The following FAM50A variants were observed in gnomAD, a reference collection of about 807,000 sequenced individuals.
FAM50A encodes the protein protein FAM50A.
In FAM50A, 6 loss-of-function variants were observed where a neutral mutation model predicts 35.5. That is an observed-to-expected ratio of 0.17 (90% CI 0.09 to 0.33). The LOEUF is 0.33. FAM50A is among the 10% of genes least tolerant of loss of function. FAM50A has a pLI of 1.00. For synonymous variants in FAM50A, 120 were observed against 110.9 expected (o/e 1.08, Z -0.52); for missense variants, 145 against 295.5 (o/e 0.49, Z 3.73).
At chrX:154,449,481 C>T (rs782366698) in intron 8 of FAM50A, among the ~76,000 whole-genome samples, 184 bp downstream of exon 8, 8 of 112,468 alleles carry the variant, frequency 7.1e-5, no homozygotes, top group East Asian at 2.8e-4. Flanking sequence ...TTGCTGAGAG[C>T]GGCCTGCCTT....
chrX:154,449,360 A>T, intron 8 of FAM50A, 63 bp downstream of exon 8: 1 of 959,793 alleles, frequency 1.0e-6, no homozygotes, highest in Non-Finnish European at 1.5e-6. Flanking sequence ...CCTGGGTGCC[A>T]GACACCCAGT....
rs200229295 is a variant in FAM50A, at chrX:154,449,906, C to T, written c.804C>T (p.Ile268=). The T allele has an allele frequency of 2.0e-4, 246 of 1,209,614 alleles. No homozygotes were observed. The highest frequency in any genetic ancestry group is 2.4e-4 in the Non-Finnish European group (219 of 894,933). The change falls in exon 10 of 13, where the codon ATC becomes ATT. Residue 268 remains isoleucine (I), a synonymous_variant. Coordinates refer to ENST00000393600, the MANE Select transcript of FAM50A (RefSeq NM_004699.4). ...IPHHHSFYDF[I]VTKARGKSGP... is the part of the protein sequence containing the mutation. ...AGCATCACAGCTTCTACGACTTCAT[C>T]GTCACCAAGGCACGGGGGAAGAGTG... is the stretch of plus-strand genomic sequence containing the variant.
rs1333893119 is a variant in FAM50A, at chrX:154,444,207, C to T, written c.-29C>T. On this transcript the variant is annotated 5_prime_UTR_variant, in exon 1 of 13. Coordinates refer to ENST00000393600, the MANE Select transcript of FAM50A (RefSeq NM_004699.4). Reference sequence around the variant, plus strand: ...TCGCTGTCGCCGCCGCCGCCGCCCGCCGCCGCCGCCGCCGCCGCCGCCGCT... The same window carrying T: ...TCGCTGTCGCCGCCGCCGCCGCCCGTCGCCGCCGCCGCCGCCGCCGCCGCT... The T allele has an allele frequency of 2.8e-5, 19 of 681,503 alleles. No individual in the cohort carries two copies. The South Asian group carries it at 4.1e-4, about 15-fold the overall frequency. 56.2% of individuals were successfully genotyped at this position (681,503 alleles called of 1,213,427 possible).
Position 154,450,262 on chromosome X carries a change from C to T in FAM50A, c.954C>T (p.Ile318=). 1 of 1,211,397 alleles carries T rather than the reference C, an allele frequency of 8.3e-7. No individual in the cohort carries two copies. The highest frequency in any genetic ancestry group is 1.1e-6 in the Non-Finnish European group (1 of 895,224). The change falls in exon 12 of 13, where the codon ATC becomes ATT. Residue 318 remains isoleucine, a synonymous_variant. Coordinates refer to ENST00000393600, the MANE Select transcript of FAM50A (RefSeq NM_004699.4). ...GCTGGTACGAGAAGAACAAGCACAT[C>T]TTTCCCGCCAGCCGCTGGGAACCCT... ...LRSWYEKNKH[I]FPASRWEPYD...
chrX:154,450,336 A>G lies in FAM50A; in HGVS notation c.1011+17A>G. The G allele has an allele frequency of 2.5e-6, 3 of 1,201,214 alleles. No individual in the cohort carries two copies. Among genetic ancestry groups the G allele is most frequent in the Non-Finnish European group, 3.4e-6 (3 of 885,674 alleles). On this transcript the variant is annotated intron_variant, in intron 12 of 12. Coordinates refer to ENST00000393600, the MANE Select transcript of FAM50A (RefSeq NM_004699.4). ...AAGTACACGGTGAGGAGGGGCTGGC[A>G]GGGACCCCTCCAAGTTGGGGACGGC...
At position 154,450,106 on chromosome X, in the gene FAM50A, C is replaced by T. The variant is rs782189294; in HGVS notation, c.900+7C>T. 8.1e-5 allele frequency: 97 copies of T among 1,204,547 alleles called. No individual in the cohort carries two copies. Among genetic ancestry groups the T allele is most frequent in the Middle Eastern group, 4.6e-4 (2 of 4,360 alleles). On this transcript the variant is annotated splice_region_variant and intron_variant, in intron 11 of 12. Transcript: ENST00000393600. ...CACTGTGGAGAAGGATGAGGTACAG[C>T]GTAGGGGGCCGTGTGAGGGGGAACG...
At position 154,445,642 on chromosome X, in the gene FAM50A, A is replaced by G; in HGVS notation, c.121A>G (p.Met41Val). ...CTGTCACTCCCCGCAGGAGAACATCATGAAATCCAACATTGACAAGAAGTT... is the reference window on the plus strand; with the variant it reads ...CTGTCACTCCCCGCAGGAGAACATCGTGAAATCCAACATTGACAAGAAGTT... ...MKQRIAEENI[M>V]KSNIDKKFSA... The change falls in exon 2 of 13, where the codon ATG becomes GTG. Residue 41 changes from methionine to valine, a missense_variant. Around this residue, in one of 5 missense-constraint regions of FAM50A, gnomAD observed 31 missense variants for 75.2 expected, o/e 0.41. Transcript: ENST00000393600. The G allele has an allele frequency of 8.3e-7, 1 of 1,207,049 alleles. No homozygotes were observed.
rs1199699790 is a variant in FAM50A at position 154,444,400 on chromosome X, C to A, written c.111+54C>A. ...GCGCTGCCCAGGTCCCCGGCGGCCC[C>A]GCGCCACGCTCCGGCCCTGGAAGCC... On this transcript the variant is annotated intron_variant, in intron 1 of 12. Transcript: ENST00000393600. 3.8e-6 allele frequency: 3 copies of A among 795,422 alleles called. No individual in the cohort carries two copies. The East Asian group carries it at 1.6e-4, about 41-fold the overall frequency. The allele number at this position is 795,422 out of a possible 1,213,427, so 65.6% of individuals were successfully genotyped here.
At chrX:154,444,432 C>T (rs1339277626) in intron 1 of FAM50A, 86 bp downstream of exon 1, 21 of 475,435 alleles carry the variant, frequency 4.4e-5, no homozygotes, top group Non-Finnish European at 6.0e-5. Flanking sequence ...AGCCCTGGGG[C>T]GGTGGCCACG....
At position 154,445,885 on chromosome X, in the gene FAM50A, G is replaced by A. The variant is rs1557199749; in HGVS notation, c.270G>A (p.Lys90=). 2.5e-6 allele frequency: 3 copies of A among 1,209,443 alleles called. No individual in the cohort carries two copies. In the Admixed American group the frequency reaches 6.5e-5, roughly 26 times the overall value. ...AGGAGCGGGAGAAGCAGCTGGCCAA[G>A]AAGGAGCAGTCCAAGGAGCTGCAGA... is the stretch of plus-strand genomic sequence containing the variant. ...LVKEREKQLA[K]KEQSKELQMK... The change falls in exon 3 of 13, where the codon AAG becomes AAA. Residue 90 remains lysine, a synonymous_variant. Transcript: ENST00000393600.
Position 154,444,190 on chromosome X carries a change from G to GCCGCCGCCGC in FAM50A, c.-44_-35dup. 2.0e-6 allele frequency: 1 copy of GCCGCCGCCGC among 498,409 alleles called. No individual in the cohort carries two copies. Among genetic ancestry groups the GCCGCCGCCGC allele is most frequent in the African/African-American group, 2.8e-5 (1 of 36,352 alleles). 41.1% of individuals were successfully genotyped at this position (498,409 alleles called of 1,213,427 possible). A position where few individuals can be genotyped will look rare whatever the true frequency, so the allele number is the denominator to read the frequency against. On this transcript the variant is annotated 5_prime_UTR_variant, in exon 1 of 13. Coordinates refer to ENST00000393600, the MANE Select transcript of FAM50A (RefSeq NM_004699.4). ...CGCTGCCGCTGCCGCTGTCGCTGTCGCCGCCGCCGCCGCCCGCCGCCGCCG... is the reference window on the plus strand; with the variant it reads ...CGCTGCCGCTGCCGCTGTCGCTGTCGCCGCCGCCGCCCGCCGCCGCCGCCCGCCGCCGCCG...
intron 10 of FAM50A, 34 bp downstream of exon 10, chrX:154,449,965 C>T (rs1557200351): frequency 8.3e-7 from 1 of 1,209,544 alleles, no homozygotes; most frequent in Admixed American, 2.2e-5. Flanking sequence ...CCCCATAGCA[C>T]CTTGCCGCCG....
chrX:154,450,585 G>A lies in FAM50A; in HGVS notation c.*153G>A. The A allele has an allele frequency of 3.9e-6, 2 of 509,259 alleles. No individual in the cohort carries two copies. Among genetic ancestry groups the A allele is most frequent in the African/African-American group, 2.4e-5 (1 of 42,549 alleles). The allele number at this position is 509,259 out of a possible 1,213,427, so 42.0% of individuals were successfully genotyped here. ...CGTGTCCTGCCCCTGCCACATCAGT[G>A]ACTGCTTTATTCTTTTCCAATAAAG... On this transcript the variant is annotated 3_prime_UTR_variant, in exon 13 of 13. Transcript: ENST00000393600.
At chrX:154,449,083 C>T in intron 7 of FAM50A, 129 bp downstream of exon 7, 1 of 890,966 alleles carries the variant, frequency 1.1e-6, no homozygotes, top group Non-Finnish European at 1.6e-6. Flanking sequence ...CAGGGCCTGG[C>T]CCCCTGTCTG....
In FAM50A at chrX:154,450,258, A is replaced by G; in HGVS notation, c.950A>G (p.His317Arg). The part of the protein sequence containing the change: ...VLRSWYEKNK[H>R]IFPASRWEPY... ...AGGAGCTGGTACGAGAAGAACAAGC[A>G]CATCTTTCCCGCCAGCCGCTGGGAA... is the stretch of plus-strand genomic sequence containing the variant. Residue 317 changes from histidine (H) to arginine (R), a missense_variant, in exon 12 of 13, where the codon CAC becomes CGC. By Grantham distance (29) the His-to-Arg change is conservative. Coordinates refer to ENST00000393600, the MANE Select transcript of FAM50A (RefSeq NM_004699.4). 1 of 1,211,389 alleles carries G rather than the reference A, an allele frequency of 8.3e-7. No individual in the cohort carries two copies. Among genetic ancestry groups the G allele is most frequent in the Non-Finnish European group, 1.1e-6 (1 of 895,270 alleles).
chrX:154,450,429 C>T lies in FAM50A; in HGVS notation c.1017C>T (p.Arg339=). The stretch of plus-strand genomic sequence containing the variant: ...CCACCTTGTCCTCACACTAGATCCG[C>T]TGAGCATCCAGGAGGCTGCGCGGCC... ...PEKKWDKYTI[R] Residue 339 remains arginine, a synonymous_variant, in exon 13 of 13, where the codon CGC becomes CGT. Coordinates refer to ENST00000393600, the MANE Select transcript of FAM50A (RefSeq NM_004699.4). The T allele has an allele frequency of 8.3e-7, 1 of 1,211,206 alleles. No homozygotes were observed. The highest frequency in any genetic ancestry group is 1.1e-6 in the Non-Finnish European group (1 of 895,194).
At chrX:154,449,588 C>A in intron 8 of FAM50A, 93 bp from the exon 9 acceptor site, 2 of 800,375 alleles carry the variant, frequency 2.5e-6, no homozygotes, top group African/African-American at 2.0e-5. Flanking sequence ...TGCTTCCCAG[C>A]CCCAGCATGG....
chrX:154,449,012 G>A, intron 7 of FAM50A, 58 bp downstream of exon 7: 7 of 1,092,281 alleles, frequency 6.4e-6, no homozygotes, highest in South Asian at 3.9e-5. Flanking sequence ...CTCAGGTTCC[G>A]TGGGAAGGAA....
In FAM50A at chrX:154,448,465, C is replaced by T. The variant is rs782277336; in HGVS notation, c.443-19C>T. On this transcript the variant is annotated intron_variant, in intron 4 of 12. Transcript: ENST00000393600. The stretch of plus-strand genomic sequence containing the variant: ...ATTTTTATAATAATGCTATGATATT[C>T]GGCTTCCTTTTGTTCCAGAGATCAC... The T allele has an allele frequency of 2.4e-5, 28 of 1,186,910 alleles. No homozygotes were observed. Among genetic ancestry groups the T allele is most frequent in the East Asian group, 2.1e-4 (7 of 33,642 alleles).
Sources: gnomAD v4.1 joint callset for allele counts (sites outside exome capture counted in the v4.1 genomes callset) on GRCh38, gnomAD v4.1.1 for gene constraint, gnomAD v4.1.1 regional missense constraint, MANE v1.5 for transcripts, NCBI Gene and HGNC (gene_info 2026-07-23, HGNC 2026-07-21) for gene names.